The following DPF3 variants were observed in gnomAD, a reference collection of about 807,000 sequenced individuals.
DPF3 encodes double PHD fingers 3, also known as zinc finger protein DPF3.
Under a neutral mutation model 56.8 loss-of-function variants are expected in DPF3, and 18 were observed. That is an observed-to-expected ratio of 0.32 (90% CI 0.22 to 0.47). The LOEUF is 0.47. DPF3 is among the 20% of genes least tolerant of loss of function. The pLI, the probability that DPF3 is intolerant of heterozygous loss-of-function variation, is 1.00. For missense variants in DPF3, 403 were observed against 488.8 expected, an observed-to-expected ratio of 0.82 and a Z score of 1.65; for synonymous variants, 188 against 180.2, an observed-to-expected ratio of 1.04 and a Z score of -0.35.
chr14:72,849,181 A>G (rs767072247), intron 1 of DPF3, among the ~76,000 whole-genome samples: 1 of 152,180 alleles, frequency 6.6e-6, no homozygotes, highest in Non-Finnish European at 1.5e-5. Flanking sequence ...GTGACAAGCC[A>G]ATATTCCCCA....
intron 7 of DPF3, among the ~76,000 whole-genome samples, chr14:72,676,571 T>C (rs1026752588): frequency 6.6e-6 from 1 of 152,204 alleles, no homozygotes; most frequent in Admixed American, 6.5e-5. Context: ...CCACATGTCA[T>C]GGGAGAGACT....
chr14:72,687,129 ACATGCCCTC>A (rs1388071165), intron 7 of DPF3, among the ~76,000 whole-genome samples: 4 of 152,228 alleles, frequency 2.6e-5, no homozygotes, highest in Non-Finnish European at 4.4e-5. Flanking sequence ...GCAGAGTACA[ACATGCCCTC>A]CAAAGGCGTG....
chr14:72,844,402 T>C (rs1043103630), intron 1 of DPF3, among the ~76,000 whole-genome samples: 17 of 152,278 alleles, frequency 1.1e-4, no homozygotes, highest in African/African-American at 3.4e-4. Flanking sequence ...GGGGGGAAAA[T>C]TCCCCGTAAA....
chr14:72,812,999 G>T (rs558763633), intron 1 of DPF3, among the ~76,000 whole-genome samples: 2 of 152,112 alleles, frequency 1.3e-5, no homozygotes, highest in Non-Finnish European at 2.9e-5. Context: ...CAGACACACC[G>T]CATCGCCTCT....
intron 9 of DPF3, among the ~76,000 whole-genome samples, chr14:72,628,607 C>T (rs148407546): frequency 1.2e-4 from 18 of 152,062 alleles, no homozygotes; most frequent in Non-Finnish European, 2.2e-4. Context: ...TGAAAGTGTA[C>T]ACCACCATCT....
intron 1 of DPF3, among the ~76,000 whole-genome samples, chr14:72,848,538 T>A (rs923934828): frequency 6.6e-6 from 1 of 152,198 alleles, no homozygotes; most frequent in African/African-American, 2.4e-5. Context: ...GCACCTGAAG[T>A]CCCACAGCTT....
chr14:72,722,365 G>A (rs1889210436), intron 5 of DPF3, among the ~76,000 whole-genome samples: 1 of 152,222 alleles, frequency 6.6e-6, no homozygotes, highest in African/African-American at 2.4e-5. Context: ...ACAGGCTGGA[G>A]CATCTCAGCT....
intron 8 of DPF3, among the ~76,000 whole-genome samples, chr14:72,646,991 G>T (rs981069986): frequency 6.6e-6 from 1 of 152,322 alleles, no homozygotes; most frequent in African/African-American, 2.4e-5. Context: ...TGCTGCCAGC[G>T]TCTCCTGGGG....
intron 3 of DPF3, among the ~76,000 whole-genome samples, chr14:72,732,897 CTTCT>C (rs1889727124): frequency 2.7e-5 from 4 of 149,814 alleles, no homozygotes; most frequent in African/African-American, 7.4e-5. Flanking sequence ...TTCTCTCTCC[CTTCT>C]TTCTTTCTCT....
At chr14:72,891,459 T>G (rs931158212) in intron 1 of DPF3, among the ~76,000 whole-genome samples, 1 of 152,156 alleles carries the variant, frequency 6.6e-6, no homozygotes, top group Non-Finnish European at 1.5e-5. Flanking sequence ...CCCTCCTCCC[T>G]GCACCACCAC....
intron 1 of DPF3, among the ~76,000 whole-genome samples, chr14:72,823,648 C>A (rs11628905): frequency 0.041 from 6,236 of 152,294 alleles, 191 homozygotes; most frequent in Middle Eastern, 0.092. Flanking sequence ...AGAATTCTTT[C>A]TTGGCTTCCT....
At chr14:72,685,665 C>G (rs779737870) in intron 7 of DPF3, among the ~76,000 whole-genome samples, 12 of 152,176 alleles carry the variant, frequency 7.9e-5, no homozygotes, top group Non-Finnish European at 1.5e-4. Flanking sequence ...GATACAGCAC[C>G]TGCCTTGCAG....
At chr14:72,864,818 G>A (rs991405274) in intron 1 of DPF3, among the ~76,000 whole-genome samples, 13 of 152,208 alleles carry the variant, frequency 8.5e-5, no homozygotes, top group Admixed American at 2.6e-4. Flanking sequence ...CTGCAGGCTG[G>A]GAGGTCAACG....
chr14:72,750,024 T>C (rs574752747), intron 3 of DPF3, among the ~76,000 whole-genome samples: 2 of 152,302 alleles, frequency 1.3e-5, no homozygotes, highest in African/African-American at 2.4e-5. Flanking sequence ...CTGCTTAAGA[T>C]AGTTTGACTT....
chr14:72,713,680 T>C (rs1296278430), intron 6 of DPF3, among the ~76,000 whole-genome samples: 1 of 152,162 alleles, frequency 6.6e-6, no homozygotes, highest in Non-Finnish European at 1.5e-5. Flanking sequence ...AGAAGATGAC[T>C]AGGGCACAGG....
In DPF3 at chr14:72,617,200, G is replaced by A. The variant is rs974562008; in HGVS notation, c.*2097C>T. ...TTTGCACATACTCTGAAGAGGACGT[G>A]TGAAGTTGTAGAGCCACAGTTTGGG... is the stretch of plus-strand genomic sequence containing the variant. On this transcript the variant is annotated 3_prime_UTR_variant, in exon 11 of 11. Coordinates refer to ENST00000556509, the MANE Select transcript of DPF3 (RefSeq NM_001280542.3). Among the ~76,000 whole-genome samples the A allele has an allele frequency of 2.6e-5, 4 of 152,232 alleles. No individual in the cohort carries two copies. The highest frequency in any genetic ancestry group is 5.9e-5 in the Non-Finnish European group (4 of 68,044).
intron 8 of DPF3, among the ~76,000 whole-genome samples, chr14:72,636,105 G>A (rs1885374139): frequency 6.6e-6 from 1 of 152,136 alleles, no homozygotes; most frequent in African/African-American, 2.4e-5. Context: ...TTATTCTGAT[G>A]CTTGGTTTAC....
At chr14:72,670,036 C>CA (rs1886600328) in intron 8 of DPF3, 1 of 985,842 alleles carries the variant, frequency 1.0e-6, no homozygotes, top group Non-Finnish European at 1.2e-6. Flanking sequence ...GGGCCTTGAG[C>CA]AGTGTTGCTT....
chr14:72,880,684 A>G (rs1031975629), intron 1 of DPF3, among the ~76,000 whole-genome samples: 3 of 152,104 alleles, frequency 2.0e-5, no homozygotes, highest in African/African-American at 7.2e-5. Context: ...AGCCTCCCAA[A>G]TAACTGTGAC....
Sources: gnomAD v4.1 joint callset for allele counts (sites outside exome capture counted in the v4.1 genomes callset) on GRCh38, gnomAD v4.1.1 for gene constraint, MANE v1.5 for transcripts, NCBI Gene and HGNC (gene_info 2026-07-23, HGNC 2026-07-21) for gene names.